The following MCM3 variants were observed in gnomAD, a reference collection of about 807,000 sequenced individuals.
MCM3 encodes the protein DNA replication licensing factor MCM3.
In MCM3, 59 loss-of-function variants were observed where a neutral mutation model predicts 91.3. That is an observed-to-expected ratio of 0.65 (90% CI 0.52 to 0.80). The LOEUF (loss-of-function observed/expected upper bound fraction) is 0.80. Ranked by LOEUF, MCM3 falls within the 30% of genes least tolerant of loss-of-function variation. The pLI is 0.00. For missense variants in MCM3, 919 were observed against 1,035.4 expected (o/e 0.89, Z 1.54); for synonymous variants, 383 against 379.6 (o/e 1.01, Z -0.10).
intron 10 of MCM3, 118 bp from the exon 11 acceptor site, chr6:52,273,474 G>C: frequency 1.9e-6 from 2 of 1,052,790 alleles, no homozygotes; most frequent in Non-Finnish European, 2.8e-6. Context: ...GGCCCAAAAA[G>C]AATCAGACAC....
Position 52,265,969 on chromosome 6 carries a change from C to A in MCM3, c.2228+106G>T, listed in dbSNP as rs1764612828. ...AGCTGCAGGCCTCTAGTTTTGAGTTCTATTGATGACCAGCAGTTTGTTTCC... is the reference window on the plus strand; with the variant it reads ...AGCTGCAGGCCTCTAGTTTTGAGTTATATTGATGACCAGCAGTTTGTTTCC... On this transcript the variant is annotated intron_variant, in intron 16 of 16. Coordinates refer to ENST00000596288, the MANE Select transcript of MCM3 (RefSeq NM_002388.6). 1.4e-5 allele frequency: 12 copies of A among 857,688 alleles called. No individual in the cohort carries two copies. The South Asian group carries it at 1.9e-4, about 14-fold the overall frequency. The allele number at this position is 857,688 out of a possible 1,614,324, so 53.1% of individuals were successfully genotyped here.
chr6:52,283,195 C>A (rs1766293655), intron 2 of MCM3, 99 bp downstream of exon 2: 2 of 975,504 alleles, frequency 2.1e-6, no homozygotes, highest in East Asian at 2.4e-5. Context: ...TAGATCAATC[C>A]TGTTTCATAC....
At chr6:52,268,811 C>G (rs1191166757) in intron 13 of MCM3, among the ~76,000 whole-genome samples, 1 of 152,038 alleles carries the variant, frequency 6.6e-6, no homozygotes, top group Non-Finnish European at 1.5e-5. Flanking sequence ...GACAGAGAAG[C>G]AGCTAACTGA....
chr6:52,265,628 G>A (rs577571372), intron 16 of MCM3, among the ~76,000 whole-genome samples: 3 of 151,744 alleles, frequency 2.0e-5, no homozygotes, highest in Non-Finnish European at 4.4e-5. Flanking sequence ...AAGAAAAAAC[G>A]TAAAACTTGG....
intron 13 of MCM3, among the ~76,000 whole-genome samples, chr6:52,268,623 G>A (rs1764834507): frequency 6.6e-6 from 1 of 152,080 alleles, no homozygotes; most frequent in African/African-American, 2.4e-5. Flanking sequence ...ACAGAAATAG[G>A]GAAACAGGAT....
chr6:52,270,401 AC>A lies in MCM3; in HGVS notation c.1828-1176del, dbSNP rs1262735352. 5.9e-5 allele frequency among the ~76,000 whole-genome samples: 9 copies of A among 151,896 alleles called. No individual in the cohort carries two copies. The East Asian group carries it at 9.7e-4, about 16-fold the overall frequency. On this transcript the variant is annotated intron_variant, in intron 12 of 16. Coordinates refer to ENST00000596288, the MANE Select transcript of MCM3 (RefSeq NM_002388.6). ...CACCTCCCGGGTCTCCCATTATATG[AC>A]CCCATCACTGACGTATCCTGGTCAC...
intron 15 of MCM3, 47 bp downstream of exon 15, chr6:52,266,564 A>G (rs769773820): frequency 6.5e-7 from 1 of 1,548,734 alleles, no homozygotes; most frequent in East Asian, 2.2e-5. Flanking sequence ...GGAAAAGTCC[A>G]AGAGTCACAG....
chr6:52,272,202 T>C, intron 12 of MCM3, 99 bp downstream of exon 12: 1 of 1,306,430 alleles, frequency 7.7e-7, no homozygotes, highest in Non-Finnish European at 1.0e-6. Context: ...AGGAAAAAAG[T>C]CACTAAGTTA....
At position 52,283,417 on chromosome 6, in the gene MCM3, G is replaced by A. The variant is rs768675413; in HGVS notation, c.79-11C>T. The A allele has an allele frequency of 2.7e-5, 42 of 1,572,374 alleles. No individual in the cohort carries two copies. Among genetic ancestry groups the A allele is most frequent in the Non-Finnish European group, 3.1e-5 (35 of 1,142,092 alleles). Reference sequence around the variant, plus strand: ...AATTCCCTGGTCTTCCTGCAAAACAGCCACCACATATCACCATAGCCACAA... The same window carrying A: ...AATTCCCTGGTCTTCCTGCAAAACAACCACCACATATCACCATAGCCACAA... On this transcript the variant is annotated splice_polypyrimidine_tract_variant and intron_variant, in intron 1 of 16. Coordinates refer to ENST00000596288, the MANE Select transcript of MCM3 (RefSeq NM_002388.6).
At chr6:52,273,190 A>G (rs1281846831) in intron 11 of MCM3, 40 bp downstream of exon 11, 1 of 1,613,334 alleles carries the variant, frequency 6.2e-7, no homozygotes, top group Admixed American at 1.7e-5. Context: ...TATAACACAT[A>G]TTTCAGGTTC....
intron 12 of MCM3, among the ~76,000 whole-genome samples, chr6:52,269,991 CCA>C (rs1487814950): frequency 6.6e-6 from 1 of 152,130 alleles, no homozygotes; most frequent in African/African-American, 2.4e-5. Flanking sequence ...AAGGATTTGT[CCA>C]CAGTCCAAAA....
At chr6:52,271,302 C>T (rs962504657) in intron 12 of MCM3, among the ~76,000 whole-genome samples, 1 of 151,628 alleles carries the variant, frequency 6.6e-6, no homozygotes, top group African/African-American at 2.4e-5. Context: ...GGACTTGGGT[C>T]TTTCTGCTGT....
chr6:52,269,176 T>A lies in MCM3; in HGVS notation c.1878A>T (p.Thr626=). The change falls in exon 13 of 17, where the codon ACA becomes ACT. Residue 626 remains threonine, a synonymous_variant. Transcript: ENST00000596288. ...TGCTCATGCGGGCCTTCGCATGGGC[T>A]GTGGCCAGTCGAATCAGAGTTTCCA... is the stretch of plus-strand genomic sequence containing the variant. The part of the protein sequence containing the change: ...RTLETLIRLA[T]AHAKARMSKT... 2.5e-6 allele frequency: 4 copies of A among 1,613,906 alleles called. No homozygotes were observed. Among genetic ancestry groups the A allele is most frequent in the Non-Finnish European group, 3.4e-6 (4 of 1,179,776 alleles).
In MCM3 at chr6:52,282,758, A is replaced by G. The variant is rs1318409377; in HGVS notation, c.295T>C (p.Tyr99His). The change falls in exon 3 of 17, where the codon TAC becomes CAC. Residue 99 changes from tyrosine (Y) to histidine (H), a missense_variant. Tyr to His is a moderately conservative substitution (Grantham distance 83). Around this residue, in one of 3 missense-constraint regions of MCM3, gnomAD observed 401 missense variants for 402.7 expected, o/e 1.00. Coordinates refer to ENST00000596288, the MANE Select transcript of MCM3 (RefSeq NM_002388.6). ...ATYAKQYEEFYVGLEGSFGSK... is the reference protein window; with the variant it reads ...ATYAKQYEEFHVGLEGSFGSK... ...CCAAAGCTGCCTTCCAGTCCTACGT[A>G]GAACTCCTCATACTGCTTGGCATAG... is the stretch of plus-strand genomic sequence containing the variant. The G allele has an allele frequency of 6.2e-7, 1 of 1,614,120 alleles. No individual in the cohort carries two copies. Among genetic ancestry groups the G allele is most frequent in the Admixed American group, 1.7e-5 (1 of 60,014 alleles).
chr6:52,266,544 C>T, intron 15 of MCM3, 67 bp downstream of exon 15: 1 of 1,412,272 alleles, frequency 7.1e-7, no homozygotes, highest in Non-Finnish European at 1.0e-6. Flanking sequence ...ATAAAGTGCA[C>T]AGAGCAACTG....
chr6:52,283,299 A>AGCCCTCTTCTCGTTTTTCCT lies in MCM3; in HGVS notation c.166_185dup (p.Asn63GlyfsTer11). The AGCCCTCTTCTCGTTTTTCCT allele has an allele frequency of 6.2e-7, 1 of 1,613,754 alleles. No homozygotes were observed. Among genetic ancestry groups the AGCCCTCTTCTCGTTTTTCCT allele is most frequent in the Non-Finnish European group, 8.5e-7 (1 of 1,179,684 alleles). On this transcript the variant is annotated frameshift_variant, in exon 2 of 17. Transcript: ENST00000596288. LOFTEE classifies it high-confidence loss of function. ...TATATCCCCTTGCCTCTCACCGGTT[A>AGCCCTCTTCTCGTTTTTCCT]GCCCTCTTCTCGTTTTTCCTGCGCA...
In MCM3 at chr6:52,264,754, A is replaced by G. The variant is rs1764506455; in HGVS notation, c.2261T>C (p.Val754Ala). Residue 754 changes from valine (V) to alanine (A), a missense_variant, in exon 17 of 17, where the codon GTG (valine) becomes GCG (alanine). Val to Ala is a moderately conservative substitution (Grantham distance 64). Transcript: ENST00000596288. ...LKAFKVALLD[V>A]FREAHAQSIG... is the part of the protein sequence containing the mutation. Reference sequence around the variant, plus strand: ...TGACTGCGCATGAGCTTCCCGGAACACATCCAAGAGGGCCACCTTGAATGC... The same window carrying G: ...TGACTGCGCATGAGCTTCCCGGAACGCATCCAAGAGGGCCACCTTGAATGC... 6.2e-7 allele frequency: 1 copy of G among 1,614,146 alleles called. No individual in the cohort carries two copies.
intron 6 of MCM3, 63 bp downstream of exon 6, chr6:52,278,679 T>A: frequency 9.1e-7 from 1 of 1,101,386 alleles, no homozygotes; most frequent in Non-Finnish European, 1.4e-6. Context: ...AAAATAGCCA[T>A]GCACCAAAAC....
chr6:52,284,037 C>T (rs1766408574), intron 1 of MCM3, among the ~76,000 whole-genome samples: 1 of 152,246 alleles, frequency 6.6e-6, no homozygotes, highest in Non-Finnish European at 1.5e-5. Flanking sequence ...GTCACATCAT[C>T]AACCCTTCAA....
Sources: allele counts gnomAD v4.1 joint callset (sites outside exome capture counted in the v4.1 genomes callset), GRCh38; gene constraint gnomAD v4.1.1; regional missense constraint gnomAD v4.1.1; transcripts MANE v1.5; gene names NCBI Gene and HGNC (gene_info 2026-07-23, HGNC 2026-07-21).